Variants in TMEM232 observed in about 807,000 individuals in gnomAD.
TMEM232 encodes transmembrane protein 232.
In TMEM232, 80 loss-of-function variants were observed where a neutral mutation model predicts 78.8. The ratio of observed to expected loss-of-function variants is 1.01; its 90% CI spans 0.85 to 1.22. TMEM232 has a LOEUF of 1.22. Among genes scored for constraint, TMEM232 ranks in the 50% most tolerant of loss-of-function variants. The pLI, the probability that TMEM232 is intolerant of heterozygous loss-of-function variation, is 0.00. For synonymous variants in TMEM232, 297 were observed against 254.3 expected (o/e 1.17, Z -1.60); for missense variants, 881 against 742.2 (o/e 1.19, Z -2.17).
chr5:110,671,987 T>G (rs183229294), intron 1 of TMEM232, among the ~76,000 whole-genome samples: 5 of 152,112 alleles, frequency 3.3e-5, no homozygotes, highest in Non-Finnish European at 5.9e-5. Flanking sequence ...TAAATTAGCT[T>G]AAAGCATTTA....
At chr5:110,554,810 T>C (rs1354640671) in intron 11 of TMEM232, among the ~76,000 whole-genome samples, 1 of 152,120 alleles carries the variant, frequency 6.6e-6, no homozygotes, top group Non-Finnish European at 1.5e-5. Flanking sequence ...AGTTGTCAGG[T>C]TATTTATTAC....
chr5:110,493,934 C>A (rs1040745001), intron 12 of TMEM232, among the ~76,000 whole-genome samples: 1 of 151,930 alleles, frequency 6.6e-6, no homozygotes, highest in African/African-American at 2.4e-5. Context: ...CTTCCCTAGC[C>A]CCCCACCCAC....
chr5:110,687,447 C>T (rs1793555978), intron 1 of TMEM232, among the ~76,000 whole-genome samples: 1 of 152,074 alleles, frequency 6.6e-6, no homozygotes, highest in Non-Finnish European at 1.5e-5. Context: ...TCATCTTTTA[C>T]ATGACTCCCA....
chr5:110,687,605 G>A (rs1223371677), intron 1 of TMEM232, among the ~76,000 whole-genome samples: 3 of 151,994 alleles, frequency 2.0e-5, no homozygotes, highest in African/African-American at 7.2e-5. Flanking sequence ...TTGAGTATAT[G>A]CTTTATATTT....
At chr5:110,657,286 G>C (rs755887935) in intron 2 of TMEM232, among the ~76,000 whole-genome samples, 2 of 152,132 alleles carry the variant, frequency 1.3e-5, no homozygotes, top group Non-Finnish European at 2.9e-5. Flanking sequence ...ATGTGAAAGA[G>C]ACATCTGCAC....
In TMEM232 at chr5:110,515,903, C is replaced by T. The variant is rs534252928; in HGVS notation, c.1703+12685G>A. Among the ~76,000 whole-genome samples the T allele has an allele frequency of 2.0e-5, 3 of 152,260 alleles. No individual in the cohort carries two copies. In the South Asian group the frequency reaches 6.2e-4, roughly 32 times the overall value. On this transcript the variant is annotated intron_variant, in intron 12 of 13. Transcript: ENST00000455884. ...CTCAGTTCATTCTTACTAGCACTAC[C>T]TGGGCTTTCTTCCAGGTGCTAGTTT...
intron 12 of TMEM232, among the ~76,000 whole-genome samples, chr5:110,517,773 A>T (rs1412503124): frequency 6.6e-6 from 1 of 152,182 alleles, no homozygotes; most frequent in East Asian, 1.9e-4. Context: ...ACTGTGAAAA[A>T]CTGGATAAGC....
chr5:110,717,206 C>T (rs1326905128), intron 1 of TMEM232, among the ~76,000 whole-genome samples: 4 of 151,520 alleles, frequency 2.6e-5, no homozygotes, highest in African/African-American at 9.7e-5. Context: ...TACACACACA[C>T]AATGTAACAT....
At chr5:110,519,171 TAAG>T (rs1037658043) in intron 12 of TMEM232, among the ~76,000 whole-genome samples, 1 of 152,054 alleles carries the variant, frequency 6.6e-6, no homozygotes, top group Non-Finnish European at 1.5e-5. Flanking sequence ...AAAATTGACT[TAAG>T]AAAGAGAAAG....
intron 8 of TMEM232, among the ~76,000 whole-genome samples, chr5:110,606,813 A>C (rs1359032743): frequency 6.6e-6 from 1 of 152,006 alleles, no homozygotes; most frequent in Admixed American, 6.6e-5. Flanking sequence ...GTTTTTTTTA[A>C]TATTATAAAA....
chr5:110,678,781 G>A (rs1285555594), intron 1 of TMEM232, among the ~76,000 whole-genome samples: 1 of 151,248 alleles, frequency 6.6e-6, no homozygotes, highest in Non-Finnish European at 1.5e-5. Flanking sequence ...TAAACACTAT[G>A]TAGCCTTTTC....
intron 2 of TMEM232, among the ~76,000 whole-genome samples, chr5:110,656,268 A>C (rs766822651): frequency 6.6e-6 from 1 of 152,156 alleles, no homozygotes; most frequent in Non-Finnish European, 1.5e-5. Flanking sequence ...TTTCAAGTTG[A>C]TCATAGTGTA....
chr5:110,676,518 G>A (rs959170970), intron 1 of TMEM232, among the ~76,000 whole-genome samples: 7 of 151,348 alleles, frequency 4.6e-5, no homozygotes, highest in Admixed American at 3.3e-4. Context: ...CGATCCTCCC[G>A]CTTTGGCCGC....
rs34385356 is a variant in TMEM232 at position 110,673,943 on chromosome 5, A to G, written c.-12-6579T>C. 5.2e-3 allele frequency among the ~76,000 whole-genome samples: 781 copies of G among 149,820 alleles called. 1 individual carries two copies. Among genetic ancestry groups the G allele is most frequent in the Non-Finnish European group, 8.4e-3 (568 of 67,746 alleles). ...GAATGATTTCTATAAAGGCCTGATTATCTCCTTACACTGAAACTTGTTAAG... is the reference window on the plus strand; with the variant it reads ...GAATGATTTCTATAAAGGCCTGATTGTCTCCTTACACTGAAACTTGTTAAG... On this transcript the variant is annotated intron_variant, in intron 1 of 13. Coordinates refer to ENST00000455884, the MANE Select transcript of TMEM232 (RefSeq NM_001039763.4).
At chr5:110,610,269 A>AGGGAGGAAGGGAGGAAGGGAGGAG (rs1561381328) in intron 8 of TMEM232, among the ~76,000 whole-genome samples, 1 of 142,132 alleles carries the variant, frequency 7.0e-6, no homozygotes, top group Non-Finnish European at 1.5e-5. Context: ...GAAGGGAGGA[A>AGGGAGGAAGGGAGGAAGGGAGGAG]GGTGGGTGGG....
intron 11 of TMEM232, among the ~76,000 whole-genome samples, chr5:110,561,748 T>G (rs954787581): frequency 3.3e-5 from 5 of 152,100 alleles, no homozygotes; most frequent in Non-Finnish European, 7.4e-5. Context: ...TTTTTGTGTC[T>G]GTGGTCAGAG....
At chr5:110,667,436 C>T (rs1490353161) in intron 1 of TMEM232, 72 bp from the exon 2 acceptor site, 24 of 1,239,034 alleles carry the variant, frequency 1.9e-5, no homozygotes, top group Non-Finnish European at 2.4e-5. Flanking sequence ...TATGCAAATT[C>T]ATTATTTTTG....
intron 1 of TMEM232, chr5:110,720,530 T>C (rs1199171867): frequency 6.6e-6 from 1 of 152,130 alleles, no homozygotes; most frequent in South Asian, 2.1e-4. Flanking sequence ...GCTTACCTTA[T>C]GTTGCACTTG....
At chr5:110,513,417 T>C (rs1304886806) in intron 12 of TMEM232, among the ~76,000 whole-genome samples, 5 of 152,118 alleles carry the variant, frequency 3.3e-5, no homozygotes, top group South Asian at 2.1e-4. Context: ...ATTTAAAATA[T>C]GTAAGAAACT....
Sources: allele counts gnomAD v4.1 joint callset (sites outside exome capture counted in the v4.1 genomes callset), GRCh38; gene constraint gnomAD v4.1.1; transcripts MANE v1.5; gene names NCBI Gene and HGNC (gene_info 2026-07-23, HGNC 2026-07-21).